Variants in EPSTI1 observed in about 807,000 individuals in gnomAD.
The protein encoded by EPSTI1 is epithelial stromal interaction 1.
EPSTI1 carries 66 observed loss-of-function variants against 49.9 expected under a neutral mutation model. The observed-to-expected ratio is 1.32, with a 90% CI of 1.08 to 1.62. The LOEUF is 1.62. EPSTI1 is among the 40% of genes most tolerant of loss of function. EPSTI1 has a pLI of 0.00. For missense variants in EPSTI1, 394 were observed against 365.5 expected (o/e 1.08, Z -0.64); for synonymous variants, 137 against 130.7 (o/e 1.05, Z -0.33).
intron 5 of EPSTI1, among the ~76,000 whole-genome samples, chr13:42,961,046 C>T (rs1311082391): frequency 6.6e-6 from 1 of 152,172 alleles, no homozygotes; most frequent in African/African-American, 2.4e-5. Flanking sequence ...ATTCTGCCCA[C>T]TACATGAATT....
chr13:42,899,542 C>T (rs572584439), intron 9 of EPSTI1, among the ~76,000 whole-genome samples: 37 of 152,180 alleles, frequency 2.4e-4, no homozygotes, highest in Non-Finnish European at 3.8e-4. Flanking sequence ...ACCAACATAA[C>T]TTAAAAATAC....
At chr13:42,937,338 G>A (rs1291219636) in intron 6 of EPSTI1, among the ~76,000 whole-genome samples, 1 of 152,192 alleles carries the variant, frequency 6.6e-6, no homozygotes, top group African/African-American at 2.4e-5. Context: ...CAGAGTTGCT[G>A]TGGCAATTTC....
chr13:42,939,429 A>G (rs1461005079), intron 6 of EPSTI1, among the ~76,000 whole-genome samples: 2 of 122,156 alleles, frequency 1.6e-5, no homozygotes, highest in African/African-American at 5.3e-5. Flanking sequence ...TTAAAATGAG[A>G]GACATGTGAT....
At chr13:42,894,597 C>A (rs1428472360) in intron 10 of EPSTI1, among the ~76,000 whole-genome samples, 3 of 150,522 alleles carry the variant, frequency 2.0e-5, no homozygotes, top group African/African-American at 4.9e-5. Flanking sequence ...AAATTAACTA[C>A]TGGTTTCTTT....
Position 42,922,399 on chromosome 13 carries a change from C to A in EPSTI1, c.657+3937G>T, listed in dbSNP as rs999451357. The stretch of plus-strand genomic sequence containing the variant: ...CAAAAGGGTCATTATAAGAGGAAGG[C>A]AGAAAGGTCAGGGAGGGTGCAGAAG... On this transcript the variant is annotated intron_variant, in intron 7 of 10. Coordinates refer to ENST00000313624, the MANE Select transcript of EPSTI1 (RefSeq NM_033255.5). The surrounding 1 kb of genome is among the most constrained non-coding windows in gnomAD (Gnocchi z 4.8). Among the ~76,000 whole-genome samples, 1 of 152,020 alleles carries A rather than the reference C, an allele frequency of 6.6e-6. No individual in the cohort carries two copies. Among genetic ancestry groups the A allele is most frequent in the African/African-American group, 2.4e-5 (1 of 41,378 alleles).
intron 1 of EPSTI1, among the ~76,000 whole-genome samples, chr13:42,985,242 A>G (rs4436690): frequency 0.63 from 95,586 of 152,062 alleles, 30,514 homozygotes; most frequent in Non-Finnish European, 0.67. Context: ...AGGAAGACAA[A>G]GGTTTTTTAA....
chr13:42,969,163 G>C lies in EPSTI1; in HGVS notation c.262C>G (p.Leu88Val), dbSNP rs367798470. 5.0e-6 allele frequency: 8 copies of C among 1,613,912 alleles called. No homozygotes were observed. The African/African-American group carries it at 9.3e-5, about 19-fold the overall frequency. Residue 88 changes from leucine to valine, a missense_variant, in exon 3 of 11, where the codon CTG becomes GTG. Leu to Val is a conservative substitution (Grantham distance 32). Coordinates refer to ENST00000313624, the MANE Select transcript of EPSTI1 (RefSeq NM_033255.5). Reference protein sequence around the residue: ...NEIQRIAEQELANLEKWKEQN... With the variant: ...NEIQRIAEQEVANLEKWKEQN... ...TCCTTCCACTTCTCCAGGTTGGCCA[G>C]CTCCTGCTCCGCAACTAAGCCAGGC...
intron 1 of EPSTI1, among the ~76,000 whole-genome samples, chr13:42,974,453 T>G (rs569242271): frequency 1.3e-5 from 2 of 152,106 alleles, no homozygotes; most frequent in South Asian, 2.1e-4. Context: ...GTCAGGAGAT[T>G]GAGACCATCC....
chr13:42,964,285 C>T, intron 3 of EPSTI1, 146 bp from the exon 4 acceptor site: 2 of 548,848 alleles, frequency 3.6e-6, no homozygotes, highest in Non-Finnish European at 3.0e-6. Context: ...AACCAGTTTT[C>T]CAAGAAGACC....
chr13:42,903,169 A>T (rs1264593203), intron 8 of EPSTI1, among the ~76,000 whole-genome samples: 1 of 152,190 alleles, frequency 6.6e-6, no homozygotes, highest in Non-Finnish European at 1.5e-5. Context: ...AAGACAAAAA[A>T]AGTATAAAAT....
chr13:42,973,156 T>C (rs1250481770), intron 1 of EPSTI1, among the ~76,000 whole-genome samples: 1 of 152,234 alleles, frequency 6.6e-6, no homozygotes, highest in Admixed American at 6.5e-5. Flanking sequence ...TCAACTCATT[T>C]GTAAAAGATT....
intron 7 of EPSTI1, among the ~76,000 whole-genome samples, chr13:42,921,110 A>G (rs942061500): frequency 1.3e-5 from 2 of 152,200 alleles, no homozygotes; most frequent in African/African-American, 4.8e-5. Context: ...GATATAAGTC[A>G]GAGATAACAC....
chr13:42,984,214 T>C (rs1278941748), intron 1 of EPSTI1, among the ~76,000 whole-genome samples: 1 of 152,230 alleles, frequency 6.6e-6, no homozygotes, highest in Non-Finnish European at 1.5e-5. Context: ...AATGTACTAT[T>C]ATTTCATAAC....
intron 6 of EPSTI1, among the ~76,000 whole-genome samples, chr13:42,952,344 G>A (rs192470793): frequency 8.3e-4 from 126 of 152,258 alleles, no homozygotes; most frequent in Non-Finnish European, 1.4e-3. Context: ...AAAGGTCCAT[G>A]GCTTCATTCT....
At chr13:42,908,722 A>G (rs2037574220) in intron 8 of EPSTI1, among the ~76,000 whole-genome samples, 1 of 152,104 alleles carries the variant, frequency 6.6e-6, no homozygotes, top group Admixed American at 6.5e-5. Flanking sequence ...ATAGGGGGTC[A>G]GTATCCAAAA....
At chr13:42,893,122 A>G (rs1351600819) in intron 10 of EPSTI1, among the ~76,000 whole-genome samples, 1 of 152,242 alleles carries the variant, frequency 6.6e-6, no homozygotes, top group Non-Finnish European at 1.5e-5. Flanking sequence ...AAAAAAATAA[A>G]GAAATTAGAG....
intron 7 of EPSTI1, among the ~76,000 whole-genome samples, chr13:42,918,742 T>C (rs1260650854): frequency 2.0e-5 from 3 of 152,210 alleles, no homozygotes; most frequent in Admixed American, 1.3e-4. Flanking sequence ...CCTGCTGCAT[T>C]GGGCAGGTAA....
chr13:42,917,106 GTA>G (rs1349145855), intron 8 of EPSTI1, among the ~76,000 whole-genome samples: 2 of 152,128 alleles, frequency 1.3e-5, no homozygotes, highest in African/African-American at 4.8e-5. Flanking sequence ...TACTGTATGT[GTA>G]TAACTATTTT....
intron 10 of EPSTI1, among the ~76,000 whole-genome samples, chr13:42,894,097 T>C: frequency 6.6e-6 from 1 of 152,230 alleles, no homozygotes; most frequent in Non-Finnish European, 1.5e-5. Flanking sequence ...TAAAATCCAC[T>C]CATCAATGTA....
Sources: allele counts gnomAD v4.1 joint callset (sites outside exome capture counted in the v4.1 genomes callset), GRCh38; gene constraint gnomAD v4.1.1; non-coding constraint Gnocchi (gnomAD v3.1); transcripts MANE v1.5; gene names NCBI Gene and HGNC (gene_info 2026-07-23, HGNC 2026-07-21).